CCDC117: variants seen among roughly 807,000 people sequenced by gnomAD.
CCDC117 encodes coiled-coil domain-containing protein 117.
Under a neutral mutation model 23.5 loss-of-function variants are expected in CCDC117, and 1 was observed. The ratio of observed to expected loss-of-function variants is 0.04; its 90% confidence interval spans 0.02 to 0.20. CCDC117 has a LOEUF of 0.20. Among genes scored for constraint, CCDC117 ranks in the 10% least tolerant of loss-of-function variants. The pLI, the probability that CCDC117 is intolerant of heterozygous loss-of-function variation, is 1.00. For missense variants in CCDC117, 383 were observed against 348.2 expected, an observed-to-expected ratio of 1.10 and a Z score of -0.80; for synonymous variants, 132 against 124.8, an observed-to-expected ratio of 1.06 and a Z score of -0.39.
intron 1 of CCDC117, chr22:28,773,409 A>G (rs74408682): frequency 0.042 from 12,758 of 300,896 alleles, 395 homozygotes; most frequent in Non-Finnish European, 0.06. Context: ...TGGGACAGAA[A>G]TGGGTCCTCT....
chr22:28,786,056 T>G lies in CCDC117; in HGVS notation c.603-33T>G, dbSNP rs766241307. 10 of 1,521,364 alleles carry G rather than the reference T, an allele frequency of 6.6e-6. No homozygotes were observed. In the South Asian group the frequency reaches 1.2e-4, roughly 19 times the overall value. 94.2% of individuals were successfully genotyped at this position (1,521,364 alleles called of 1,614,324 possible). ...CAGCTTTTGTTTTCATGTCCTAAAA[T>G]TTTTTGATAAAAGTCTGTATTTTAT... On this transcript the variant is annotated intron_variant, in intron 4 of 4. Coordinates refer to ENST00000249064, the MANE Select transcript of CCDC117 (RefSeq NM_173510.4).
chr22:28,779,105 G>A (rs1447697485), intron 2 of CCDC117, among the ~76,000 whole-genome samples: 1 of 152,066 alleles, frequency 6.6e-6, no homozygotes, highest in Non-Finnish European at 1.5e-5. Context: ...TGGAACTGTA[G>A]GCACACACCA....
chr22:28,784,403 A>C (rs2031449275), intron 4 of CCDC117, among the ~76,000 whole-genome samples: 1 of 152,254 alleles, frequency 6.6e-6, no homozygotes, highest in African/African-American at 2.4e-5. Flanking sequence ...TCACTATGTA[A>C]AATAGTAAGG....
rs2031022125 is a variant in CCDC117 at position 28,772,795 on chromosome 22, G to T, written c.-55G>T. ...CAGTAGCTGTGGCTGCGGCTGCCGG[G>T]CCTGGGGACGCGGGCGGCCGAGGCC... On this transcript the variant is annotated 5_prime_UTR_variant, in exon 1 of 5. Coordinates refer to ENST00000249064, the MANE Select transcript of CCDC117 (RefSeq NM_173510.4). 2 of 1,210,162 alleles carry T rather than the reference G, an allele frequency of 1.7e-6. No individual in the cohort carries two copies. The highest frequency in any genetic ancestry group is 1.0e-6 in the Non-Finnish European group (1 of 972,088). The allele number at this position is 1,210,162 out of a possible 1,614,324, so 75.0% of individuals were successfully genotyped here. A position where few individuals can be genotyped will look rare whatever the true frequency, so the allele number is the denominator to read the frequency against.
chr22:28,774,139 C>T (rs1188183260), intron 2 of CCDC117, among the ~76,000 whole-genome samples: 1 of 147,004 alleles, frequency 6.8e-6, no homozygotes, highest in African/African-American at 2.5e-5. Context: ...GCTATGTGGG[C>T]TCACTGCAAT....
intron 2 of CCDC117, among the ~76,000 whole-genome samples, chr22:28,775,268 CAAAAG>C (rs1171770981): frequency 6.6e-6 from 1 of 152,088 alleles, no homozygotes; most frequent in Non-Finnish European, 1.5e-5. Context: ...CTCAAAAAAA[CAAAAG>C]AAAGTAGTTG....
Position 28,784,300 on chromosome 22 carries a change from A to G in CCDC117, c.602+655A>G, listed in dbSNP as rs577926748. Among the ~76,000 whole-genome samples, 4 of 152,352 alleles carry G rather than the reference A, an allele frequency of 2.6e-5. No homozygotes were observed. The East Asian group carries it at 7.7e-4, about 29-fold the overall frequency. Reference sequence around the variant, plus strand: ...AACTGGAAAGCAAACACAATAACCTAAAAAGTAAAGTGGCCTGGGGCCCCT... The same window carrying G: ...AACTGGAAAGCAAACACAATAACCTGAAAAGTAAAGTGGCCTGGGGCCCCT... On this transcript the variant is annotated intron_variant, in intron 4 of 4. Coordinates refer to ENST00000249064, the MANE Select transcript of CCDC117 (RefSeq NM_173510.4).
Position 28,776,441 on chromosome 22 carries a change from T to C in CCDC117, c.239+2663T>C, listed in dbSNP as rs539921870. The stretch of plus-strand genomic sequence containing the variant: ...TGTATATCTTTTCTTTTTTTTTTTT[T>C]CCCTGGAGTTTTGCTCTGTTGCTCA... On this transcript the variant is annotated intron_variant, in intron 2 of 4. Coordinates refer to ENST00000249064, the MANE Select transcript of CCDC117 (RefSeq NM_173510.4). 2.1e-3 allele frequency among the ~76,000 whole-genome samples: 325 copies of C among 151,540 alleles called. 1 individual carries two copies. The highest frequency in any genetic ancestry group is 3.5e-3 in the Non-Finnish European group (236 of 67,932).
intron 4 of CCDC117, among the ~76,000 whole-genome samples, chr22:28,785,129 C>A (rs143573931): frequency 6.6e-6 from 1 of 152,034 alleles, no homozygotes; most frequent in East Asian, 1.9e-4. Flanking sequence ...ATACACCATC[C>A]CTGCCACAGT....
intron 2 of CCDC117, among the ~76,000 whole-genome samples, chr22:28,775,744 A>G (rs2031143979): frequency 6.6e-6 from 1 of 151,986 alleles, no homozygotes; most frequent in Non-Finnish European, 1.5e-5. Flanking sequence ...TAAAAATACA[A>G]AAATTAGCCA....
chr22:28,782,009 C>T, intron 3 of CCDC117, among the ~76,000 whole-genome samples: 1 of 143,330 alleles, frequency 7.0e-6, no homozygotes. Flanking sequence ...AGTGCAGTGG[C>T]TCACTGCAGT....
At chr22:28,781,744 A>G (rs1361121385) in intron 3 of CCDC117, among the ~76,000 whole-genome samples, 2 of 151,550 alleles carry the variant, frequency 1.3e-5, no homozygotes, top group African/African-American at 4.8e-5. Context: ...CCCGGGTTCA[A>G]GTGATTCTCC....
intron 3 of CCDC117, among the ~76,000 whole-genome samples, 180 bp downstream of exon 3, chr22:28,781,352 T>TTTTG (rs2031325361): frequency 2.5e-4 from 3 of 11,860 alleles, no homozygotes; most frequent in Non-Finnish European, 3.8e-4. Flanking sequence ...TTTTTTTTTT[T>TTTTG]TTTTTTTTTT....
chr22:28,779,807 T>C (rs2031268538), intron 2 of CCDC117, among the ~76,000 whole-genome samples: 3 of 152,080 alleles, frequency 2.0e-5, no homozygotes, highest in African/African-American at 4.8e-5. Flanking sequence ...CCATTAATGA[T>C]TTTTTTTGGT....
intron 2 of CCDC117, among the ~76,000 whole-genome samples, chr22:28,777,539 C>G (rs2031203709): frequency 7.0e-6 from 1 of 142,026 alleles, no homozygotes; most frequent in African/African-American, 2.6e-5. Flanking sequence ...GAGATGGACT[C>G]TTGCTCTGCC....
chr22:28,788,083 ATATT>A lies in CCDC117; in HGVS notation c.*1760_*1763del, dbSNP rs1174644752. On this transcript the variant is annotated 3_prime_UTR_variant, in exon 5 of 5. Coordinates refer to ENST00000249064, the MANE Select transcript of CCDC117 (RefSeq NM_173510.4). ...ATTTAATGTTTAATATTTAAACAAA[ATATT>A]TAATGTCTATACAGTAAAATTATTC... 1 of 152,666 alleles carries A rather than the reference ATATT, an allele frequency of 6.6e-6. No individual in the cohort carries two copies. The highest frequency in any genetic ancestry group is 2.4e-5 in the African/African-American group (1 of 41,462). 9.5% of individuals were successfully genotyped at this position (152,666 alleles called of 1,614,324 possible).
In CCDC117 at chr22:28,788,826, T is replaced by C. The variant is rs1178367036; in HGVS notation, c.*2500T>C. 1 of 152,782 alleles carries C rather than the reference T, an allele frequency of 6.5e-6. No individual in the cohort carries two copies. Among genetic ancestry groups the C allele is most frequent in the East Asian group, 1.9e-4 (1 of 5,182 alleles). 9.5% of individuals were successfully genotyped at this position (152,782 alleles called of 1,614,324 possible). A position where few individuals can be genotyped will look rare whatever the true frequency, so the allele number is the denominator to read the frequency against. ...AGGGAGTTACCAGGGCTTTTCGTTT[T>C]GTGTAGCTTTTGCAGCATGGATCAA... On this transcript the variant is annotated 3_prime_UTR_variant, in exon 5 of 5. Coordinates refer to ENST00000249064, the MANE Select transcript of CCDC117 (RefSeq NM_173510.4).
Position 28,785,378 on chromosome 22 carries a change from G to A in CCDC117, c.603-711G>A, listed in dbSNP as rs576402985. ...TAATTTTTGTATTTTTTGTAGAGAC[G>A]GGGTTCACCACATTGCCCGGGCTGG... On this transcript the variant is annotated intron_variant, in intron 4 of 4. Transcript: ENST00000249064. 2.1e-4 allele frequency among the ~76,000 whole-genome samples: 32 copies of A among 151,962 alleles called. 1 individual carries two copies. Among genetic ancestry groups the A allele is most frequent in the Admixed American group, 1.7e-3 (26 of 15,254 alleles).
intron 3 of CCDC117, among the ~76,000 whole-genome samples, chr22:28,783,120 C>A (rs190690128): frequency 6.6e-6 from 1 of 152,268 alleles, no homozygotes; most frequent in Non-Finnish European, 1.5e-5. Context: ...TGGTTCACTG[C>A]AACCTCCGCC....
Sources: gnomAD v4.1 joint callset for allele counts (sites outside exome capture counted in the v4.1 genomes callset) on GRCh38, gnomAD v4.1.1 for gene constraint, MANE v1.5 for transcripts, NCBI Gene and HGNC (gene_info 2026-07-23, HGNC 2026-07-21) for gene names.